Variants in CDH13 observed in about 807,000 individuals in gnomAD.
CDH13 encodes cadherin-13.
CDH13 carries 24 observed loss-of-function variants against 63.8 expected under a neutral mutation model. That is an observed-to-expected ratio of 0.38 (90% CI 0.27 to 0.53). CDH13 has a LOEUF of 0.53. Among genes scored for constraint, CDH13 ranks in the 20% least tolerant of loss-of-function variants. The pLI, the probability that CDH13 is intolerant of heterozygous loss-of-function variation, is 0.85. For synonymous variants in CDH13, 503 were observed against 355.3 expected, an observed-to-expected ratio of 1.42 and a Z score of -4.67; for missense variants, 1,049 against 903.1, an observed-to-expected ratio of 1.16 and a Z score of -2.07.
In CDH13 at chr16:82,848,035, A is replaced by G. The variant is rs1313857036; in HGVS notation, c.46-10327A>G. On this transcript the variant is annotated intron_variant, in intron 1 of 13. Transcript: ENST00000567109. ...GGAAGAAAGACTTGCAATTTGGGGC[A>G]TTTATGCAGATTAAATAGTCTTTGG... 7.2e-5 allele frequency among the ~76,000 whole-genome samples: 11 copies of G among 152,190 alleles called. 1 individual carries two copies. Among genetic ancestry groups the G allele is most frequent in the Non-Finnish European group, 2.9e-5 (2 of 68,046 alleles).
rs564770915 is a variant in CDH13 at position 82,769,295 on chromosome 16, G to A, written c.46-89067G>A. Among the ~76,000 whole-genome samples, 17 of 152,260 alleles carry A rather than the reference G, an allele frequency of 1.1e-4. No individual in the cohort carries two copies. In the South Asian group the frequency reaches 2.1e-3, roughly 19 times the overall value. On this transcript the variant is annotated intron_variant, in intron 1 of 13. Transcript: ENST00000567109. Reference sequence around the variant, plus strand: ...TATACTTAAACTGTTATTTGGTGCCGTGGCAGAAGAATATTGACAAGTCAC... The same window carrying A: ...TATACTTAAACTGTTATTTGGTGCCATGGCAGAAGAATATTGACAAGTCAC...
At chr16:83,746,175 CA>C (rs1178087248) in intron 10 of CDH13, among the ~76,000 whole-genome samples, 2 of 152,138 alleles carry the variant, frequency 1.3e-5, no homozygotes, top group African/African-American at 4.8e-5. Flanking sequence ...GACAGAAGTC[CA>C]AAATCAGTCT....
At chr16:83,598,617 G>A (rs1021575618) in intron 7 of CDH13, among the ~76,000 whole-genome samples, 25 of 152,006 alleles carry the variant, frequency 1.6e-4, no homozygotes, top group South Asian at 6.2e-4. Context: ...TCCTACCTAC[G>A]GAACATCTGA....
chr16:82,656,752 C>T (rs1306129283), intron 1 of CDH13, among the ~76,000 whole-genome samples: 1 of 152,146 alleles, frequency 6.6e-6, no homozygotes, highest in Non-Finnish European at 1.5e-5. Flanking sequence ...CTCCCTTCTC[C>T]CTAACCCCTG....
intron 7 of CDH13, among the ~76,000 whole-genome samples, chr16:83,497,741 C>G (rs2074180217): frequency 6.6e-6 from 1 of 152,126 alleles, no homozygotes; most frequent in Non-Finnish European, 1.5e-5. Context: ...TGGATTTGAC[C>G]AACGGGCCAT....
intron 2 of CDH13, among the ~76,000 whole-genome samples, chr16:83,007,150 G>A (rs1010650767): frequency 2.0e-5 from 3 of 152,200 alleles, no homozygotes; most frequent in East Asian, 1.9e-4. Flanking sequence ...TTGAACTCTC[G>A]ACCTAAGGTG....
chr16:83,529,578 GA>G (rs1479636351), intron 7 of CDH13, among the ~76,000 whole-genome samples: 1 of 151,872 alleles, frequency 6.6e-6, no homozygotes. Context: ...ATTTTTTTGT[GA>G]AAAAAATCAT....
chr16:83,039,361 C>G (rs778863170), intron 3 of CDH13, among the ~76,000 whole-genome samples: 2 of 152,200 alleles, frequency 1.3e-5, no homozygotes, highest in Non-Finnish European at 2.9e-5. Flanking sequence ...TCCTGCTCAT[C>G]TCTAAGTGGC....
At chr16:83,250,003 T>C (rs1300687620) in intron 5 of CDH13, among the ~76,000 whole-genome samples, 1 of 152,184 alleles carries the variant, frequency 6.6e-6, no homozygotes, top group East Asian at 1.9e-4. Flanking sequence ...AGTTGTTTCA[T>C]TGCAATAGGA....
At chr16:83,255,300 G>A (rs764452906) in intron 5 of CDH13, among the ~76,000 whole-genome samples, 7 of 152,108 alleles carry the variant, frequency 4.6e-5, no homozygotes, top group African/African-American at 9.7e-5. Context: ...CCAAACTGCC[G>A]GGCCTCCTGC....
chr16:82,632,250 G>A (rs2163869), intron 1 of CDH13, among the ~76,000 whole-genome samples: 71,490 of 151,934 alleles, frequency 0.47, 17,376 homozygotes, highest in Non-Finnish European at 0.53. Flanking sequence ...TTGAGTTTGG[G>A]ACCTCTGCTT....
At chr16:83,087,213 T>C (rs1027149081) in intron 3 of CDH13, among the ~76,000 whole-genome samples, 2 of 152,202 alleles carry the variant, frequency 1.3e-5, no homozygotes, top group Non-Finnish European at 2.9e-5. Context: ...TGTAGGAAAC[T>C]GATCAATGAC....
At chr16:82,741,341 G>A (rs368733410) in intron 1 of CDH13, among the ~76,000 whole-genome samples, 1 of 152,190 alleles carries the variant, frequency 6.6e-6, no homozygotes, top group Non-Finnish European at 1.5e-5. Flanking sequence ...CCTGCCTGGT[G>A]AATTGATGTT....
intron 6 of CDH13, among the ~76,000 whole-genome samples, chr16:83,423,405 C>T (rs957535630): frequency 6.6e-6 from 1 of 152,018 alleles, no homozygotes; most frequent in Non-Finnish European, 1.5e-5. Flanking sequence ...ATTGTGTGAT[C>T]TGTCTTCTTC....
chr16:83,708,319 T>G (rs1598535094), intron 10 of CDH13, among the ~76,000 whole-genome samples: 1 of 152,248 alleles, frequency 6.6e-6, no homozygotes, highest in East Asian at 1.9e-4. Flanking sequence ...AATGTGTTTT[T>G]CATTTGCTTG....
chr16:83,409,064 T>G (rs1434659113), intron 6 of CDH13, among the ~76,000 whole-genome samples: 2 of 151,982 alleles, frequency 1.3e-5, no homozygotes, highest in Non-Finnish European at 2.9e-5. Flanking sequence ...AGAAATCAAG[T>G]CAAAATTGGT....
chr16:83,543,687 G>A (rs1464866405), intron 7 of CDH13, among the ~76,000 whole-genome samples: 1 of 152,178 alleles, frequency 6.6e-6, no homozygotes, highest in African/African-American at 2.4e-5. Context: ...TGTCTGTCGT[G>A]AGAGCAGAGT....
intron 1 of CDH13, among the ~76,000 whole-genome samples, chr16:82,742,217 C>A (rs2033963375): frequency 6.6e-6 from 1 of 152,062 alleles, no homozygotes; most frequent in African/African-American, 2.4e-5. Context: ...TTAGTTACAT[C>A]CCATGTACGC....
chr16:83,635,401 G>T (rs8054948), intron 8 of CDH13, among the ~76,000 whole-genome samples: 139,444 of 139,898 alleles, frequency 1, 69,497 homozygotes, highest in Middle Eastern at 1. Flanking sequence ...TGGAGTCCAG[G>T]GGTGTGACCT....
Sources: gnomAD v4.1 joint callset for allele counts (sites outside exome capture counted in the v4.1 genomes callset) on GRCh38, gnomAD v4.1.1 for gene constraint, MANE v1.5 for transcripts, NCBI Gene and HGNC (gene_info 2026-07-23, HGNC 2026-07-21) for gene names.